The following GAS7 variants were observed in gnomAD, a reference collection of about 807,000 sequenced individuals.
GAS7 encodes growth arrest specific 7.
A neutral mutation model predicts 71.1 loss-of-function variants in GAS7; 28 were observed. The ratio of observed to expected loss-of-function variants is 0.39; its 90% confidence interval spans 0.29 to 0.54. The LOEUF (loss-of-function observed/expected upper bound fraction) is 0.54, where lower values mean the gene tolerates loss of function less well. GAS7 is among the 20% of genes least tolerant of loss of function. GAS7 has a pLI of 0.62. For synonymous variants in GAS7, 258 were observed against 245.8 expected (o/e 1.05, Z -0.46); for missense variants, 436 against 627.8 (o/e 0.69, Z 3.27).
chr17:10,081,557 T>C (rs17759012), intron 1 of GAS7, among the ~76,000 whole-genome samples: 66,928 of 151,916 alleles, frequency 0.44, 14,973 homozygotes, highest in African/African-American at 0.47. Context: ...AATACATCAT[T>C]AGAAAATGAA....
chr17:10,059,541 C>A (rs758782104), intron 1 of GAS7, among the ~76,000 whole-genome samples: 10 of 152,142 alleles, frequency 6.6e-5, no homozygotes, highest in African/African-American at 1.2e-4. Flanking sequence ...AAATCCCCCC[C>A]AGAGCAGAGC....
chr17:10,010,975 G>T (rs764583856), intron 2 of GAS7, among the ~76,000 whole-genome samples: 7 of 152,208 alleles, frequency 4.6e-5, no homozygotes, highest in Non-Finnish European at 1.0e-4. Context: ...TACAAAAACA[G>T]CTGTGAGTTG....
At chr17:10,138,200 C>T (rs1297730367) in intron 1 of GAS7, among the ~76,000 whole-genome samples, 1 of 148,298 alleles carries the variant, frequency 6.7e-6, no homozygotes, top group Non-Finnish European at 1.5e-5. Context: ...CTCCTAAACT[C>T]GTGATCCGCC....
chr17:10,033,974 C>T (rs905908220), intron 1 of GAS7: 6 of 218,324 alleles, frequency 2.7e-5, no homozygotes, highest in Non-Finnish European at 3.9e-5. Context: ...GGGCTGGAAC[C>T]GTTTCCAAGA....
chr17:10,076,596 A>T (rs2073396747), intron 1 of GAS7, among the ~76,000 whole-genome samples: 1 of 152,174 alleles, frequency 6.6e-6, no homozygotes, highest in African/African-American at 2.4e-5. Context: ...CAGAACTAAT[A>T]AGACAGTTCA....
intron 1 of GAS7, among the ~76,000 whole-genome samples, chr17:10,114,910 T>C (rs996421370): frequency 5.9e-5 from 9 of 152,200 alleles, no homozygotes; most frequent in Non-Finnish European, 1.2e-4. Flanking sequence ...ATGAGAATGA[T>C]TCTCTGGCAA....
chr17:9,976,288 A>G (rs2152123897), intron 3 of GAS7, among the ~76,000 whole-genome samples: 1 of 152,346 alleles, frequency 6.6e-6, no homozygotes, highest in Middle Eastern at 3.4e-3. Context: ...GCCAGCAAGA[A>G]CACTGGTTCT....
intron 10 of GAS7, among the ~76,000 whole-genome samples, chr17:9,925,848 G>A (rs1217718563): frequency 1.3e-5 from 2 of 152,024 alleles, no homozygotes; most frequent in Non-Finnish European, 1.5e-5. Context: ...CTCAAACCAC[G>A]TTTTTTTCCC....
intron 7 of GAS7, among the ~76,000 whole-genome samples, chr17:9,941,809 T>C (rs1489953272): frequency 2.0e-5 from 3 of 152,216 alleles, no homozygotes; most frequent in Non-Finnish European, 2.9e-5. Flanking sequence ...AAATAAGGAT[T>C]TGATTACACA....
At chr17:9,999,815 A>G (rs1266829497) in intron 2 of GAS7, among the ~76,000 whole-genome samples, 1 of 152,226 alleles carries the variant, frequency 6.6e-6, no homozygotes, top group African/African-American at 2.4e-5. Context: ...CAGGATAGAG[A>G]AGATCACACA....
At chr17:10,003,330 G>T (rs1408668305) in intron 2 of GAS7, among the ~76,000 whole-genome samples, 2 of 152,206 alleles carry the variant, frequency 1.3e-5, no homozygotes, top group African/African-American at 2.4e-5. Flanking sequence ...GTCCATGCAG[G>T]TGTTCACCCA....
chr17:9,946,230 A>T (rs1468914293), intron 6 of GAS7, among the ~76,000 whole-genome samples: 1 of 152,100 alleles, frequency 6.6e-6, no homozygotes, highest in Non-Finnish European at 1.5e-5. Context: ...AGGACTCTGC[A>T]TTTCTACAAA....
At chr17:10,110,096 T>A (rs1567595644) in intron 1 of GAS7, among the ~76,000 whole-genome samples, 1 of 148,386 alleles carries the variant, frequency 6.7e-6, no homozygotes, top group Non-Finnish European at 1.5e-5. Flanking sequence ...ATACCTGTAC[T>A]CACACGTTTA....
intron 1 of GAS7, among the ~76,000 whole-genome samples, chr17:10,049,926 T>G (rs907130952): frequency 1.3e-5 from 2 of 152,240 alleles, no homozygotes; most frequent in Non-Finnish European, 2.9e-5. Context: ...GGTCTGAAAT[T>G]AGTTTTACAA....
chr17:10,044,585 C>A lies in GAS7; in HGVS notation c.184-24688G>T, dbSNP rs549054580. Among the ~76,000 whole-genome samples, 23 of 152,082 alleles carry A rather than the reference C, an allele frequency of 1.5e-4. No individual in the cohort carries two copies. In the South Asian group the frequency reaches 4.8e-3, roughly 32 times the overall value. ...GTATCGAATATATTTTATGTATTCACGGCATGTCTAACATTTTCTAAATTT... is the reference window on the plus strand; with the variant it reads ...GTATCGAATATATTTTATGTATTCAAGGCATGTCTAACATTTTCTAAATTT... On this transcript the variant is annotated intron_variant, in intron 1 of 13. Coordinates refer to ENST00000432992, the MANE Select transcript of GAS7 (RefSeq NM_201433.2).
rs2069400806 is a variant in GAS7, at chr17:9,959,667, CACG to C, written c.472-415_472-413del. ...ACCTCCTGGCACTGAGGAATCAGCACACGACATTTTATTCTGAAACCCCCCGGG... is the reference window on the plus strand; with the variant it reads ...ACCTCCTGGCACTGAGGAATCAGCACACATTTTATTCTGAAACCCCCCGGG... On this transcript the variant is annotated intron_variant, in intron 4 of 13. Coordinates refer to ENST00000432992, the MANE Select transcript of GAS7 (RefSeq NM_201433.2). The surrounding 1 kb of genome is among the most constrained non-coding windows in gnomAD (Gnocchi z 5.0). 6.6e-6 allele frequency among the ~76,000 whole-genome samples: 1 copy of C among 152,168 alleles called. No individual in the cohort carries two copies. Among genetic ancestry groups the C allele is most frequent in the Non-Finnish European group, 1.5e-5 (1 of 68,040 alleles).
intron 2 of GAS7, among the ~76,000 whole-genome samples, chr17:9,996,165 G>A (rs901349415): frequency 6.6e-6 from 1 of 152,116 alleles, no homozygotes; most frequent in Non-Finnish European, 1.5e-5. Flanking sequence ...CAAAGACTTG[G>A]AACCAAGTCA....
chr17:10,019,715 C>T, intron 2 of GAS7, 62 bp downstream of exon 2: 1 of 1,519,194 alleles, frequency 6.6e-7, no homozygotes, highest in Non-Finnish European at 8.9e-7. Flanking sequence ...AAAAAACGTG[C>T]CCCTCTAGAG....
chr17:9,992,503 G>T (rs917606364), intron 2 of GAS7, among the ~76,000 whole-genome samples: 1 of 152,056 alleles, frequency 6.6e-6, no homozygotes, highest in African/African-American at 2.4e-5. Context: ...CAGTGTGTGG[G>T]CACAGGCAGC....
Sources: allele counts gnomAD v4.1 joint callset (sites outside exome capture counted in the v4.1 genomes callset), GRCh38; gene constraint gnomAD v4.1.1; non-coding constraint Gnocchi (gnomAD v3.1); transcripts MANE v1.5; gene names NCBI Gene and HGNC (gene_info 2026-07-23, HGNC 2026-07-21).